Variants in PRIM2 observed in about 807,000 individuals in gnomAD.
PRIM2 encodes DNA primase large subunit.
PRIM2 carries 39 observed loss-of-function variants against 67.3 expected under a neutral mutation model. The ratio of observed to expected loss-of-function variants is 0.58; its 90% confidence interval spans 0.45 to 0.76. The LOEUF (loss-of-function observed/expected upper bound fraction) is 0.76, where lower values mean the gene tolerates loss of function less well. Ranked by LOEUF, PRIM2 falls within the 30% of genes least tolerant of loss-of-function variation. The pLI is 0.00. For synonymous variants in PRIM2, 143 were observed against 198.7 expected (o/e 0.72, Z 2.36); for missense variants, 398 against 598.7 (o/e 0.66, Z 3.50).
intron 7 of PRIM2, among the ~76,000 whole-genome samples, chr6:57,445,057 T>C (rs1397518592): frequency 1.3e-5 from 2 of 152,226 alleles, no homozygotes; most frequent in Non-Finnish European, 2.9e-5. Context: ...TGTTGTGTGA[T>C]AGATATAATT....
rs1218205425 is a variant in PRIM2, at chr6:57,590,438, C to T, written c.1021-10655C>T. ...GGCTTAATTCCATATAGAGAGCATG[C>T]GCAAGTGGGGATTCCTAATTCCAAA... is the stretch of plus-strand genomic sequence containing the variant. On this transcript the variant is annotated intron_variant, in intron 10 of 13. Transcript: ENST00000615550. 4.5e-3 allele frequency among the ~76,000 whole-genome samples: 678 copies of T among 152,240 alleles called. 6 individuals carry two copies. The highest frequency in any genetic ancestry group is 0.015 in the African/African-American group (636 of 41,550).
chr6:57,388,391 CAGTT>C (rs1253897713), intron 7 of PRIM2, among the ~76,000 whole-genome samples: 1 of 151,912 alleles, frequency 6.6e-6, no homozygotes, highest in Admixed American at 6.6e-5. Flanking sequence ...CAGTGGATTT[CAGTT>C]AGTTTTTAAA....
chr6:57,533,451 G>A (rs1304139394), intron 9 of PRIM2, among the ~76,000 whole-genome samples: 2,163 of 152,226 alleles, frequency 0.014, 44 homozygotes, highest in African/African-American at 0.045. Flanking sequence ...TGAATAGGTC[G>A]TCTTCCATTT....
intron 8 of PRIM2, among the ~76,000 whole-genome samples, chr6:57,523,311 G>A (rs1554349081): frequency 1.3e-5 from 2 of 151,838 alleles, no homozygotes; most frequent in Admixed American, 6.6e-5. Context: ...AATCACACAG[G>A]TAGTGACTGT....
intron 10 of PRIM2, among the ~76,000 whole-genome samples, chr6:57,559,325 A>G (rs1373408328): frequency 3.3e-5 from 5 of 152,148 alleles, no homozygotes; most frequent in East Asian, 3.9e-4. Context: ...GCACTGTGTC[A>G]TCATACAAGC....
intron 7 of PRIM2, among the ~76,000 whole-genome samples, chr6:57,461,690 A>T (rs1266759695): frequency 6.6e-6 from 1 of 152,232 alleles, no homozygotes; most frequent in African/African-American, 2.4e-5. Context: ...GGGTTTTTAT[A>T]TATAAATGTT....
chr6:57,572,803 G>A (rs1775886536), intron 10 of PRIM2, among the ~76,000 whole-genome samples: 1 of 152,180 alleles, frequency 6.6e-6, no homozygotes, highest in Non-Finnish European at 1.5e-5. Context: ...TTTGTGAAAG[G>A]TGAATTATTT....
At chr6:57,456,789 G>A (rs1403736255) in intron 7 of PRIM2, among the ~76,000 whole-genome samples, 1 of 151,998 alleles carries the variant, frequency 6.6e-6, no homozygotes, top group African/African-American at 2.4e-5. Flanking sequence ...TTCTCAACTT[G>A]TCAAAGTCAT....
At chr6:57,513,871 A>G (rs1554347957) in intron 8 of PRIM2, among the ~76,000 whole-genome samples, 1 of 152,206 alleles carries the variant, frequency 6.6e-6, no homozygotes, top group Non-Finnish European at 1.5e-5. Context: ...CTATTATTTA[A>G]TGTTTTGTCA....
chr6:57,611,822 C>T (rs1776671950), intron 12 of PRIM2, among the ~76,000 whole-genome samples: 1 of 151,918 alleles, frequency 6.6e-6, no homozygotes, highest in Non-Finnish European at 1.5e-5. Context: ...AAGCCACAGA[C>T]TGGAAGAAAA....
intron 10 of PRIM2, among the ~76,000 whole-genome samples, chr6:57,558,847 G>T (rs1775571125): frequency 6.6e-6 from 1 of 152,024 alleles, no homozygotes; most frequent in Non-Finnish European, 1.5e-5. Flanking sequence ...ACATTTTGGG[G>T]CTGGGCACGG....
At chr6:57,221,582 T>C in the PRIM2 span, 3 of 152,510 alleles carry the variant, frequency 2.0e-5, no homozygotes, top group Non-Finnish European at 4.4e-5. Context: ...ACGCCCTTAC[T>C]GGTGTCTGGC....
In PRIM2 at chr6:57,481,094, A is replaced by T. The variant is rs1295726603; in HGVS notation, c.694-26293A>T. Among the ~76,000 whole-genome samples the T allele has an allele frequency of 1.1e-4, 16 of 152,344 alleles. No homozygotes were observed. In the South Asian group the frequency reaches 2.3e-3, roughly 22 times the overall value. On this transcript the variant is annotated intron_variant, in intron 7 of 13. Coordinates refer to ENST00000615550, the MANE Select transcript of PRIM2 (RefSeq NM_000947.5). ...TGCCCGAGTGGTTACATCTTACATT[A>T]ACTATATTATAATATCAAAACCAAG...
At chr6:57,237,302 A>T in the PRIM2 span, among the ~76,000 whole-genome samples, 1 of 152,062 alleles carries the variant, frequency 6.6e-6, no homozygotes, top group Non-Finnish European at 1.5e-5. Context: ...TTCATTGTAG[A>T]TTCTGGATAT....
chr6:57,421,980 A>T (rs1005794752), intron 7 of PRIM2, among the ~76,000 whole-genome samples: 15 of 152,134 alleles, frequency 9.9e-5, no homozygotes, highest in Admixed American at 9.2e-4. Context: ...TTAATTTATA[A>T]GTTTATTATC....
intron 7 of PRIM2, among the ~76,000 whole-genome samples, chr6:57,496,661 G>T (rs1369689763): frequency 1.3e-5 from 2 of 152,122 alleles, no homozygotes; most frequent in East Asian, 3.8e-4. Context: ...ATTGACAAAC[G>T]TATGTTTAGG....
At chr6:57,254,805 A>C in the PRIM2 span, among the ~76,000 whole-genome samples, 3 of 152,174 alleles carry the variant, frequency 2.0e-5, no homozygotes, top group African/African-American at 7.2e-5. Flanking sequence ...ACCCATTAGG[A>C]TTAAGTAAAT....
chr6:57,641,779 T>A (rs1208363784), intron 13 of PRIM2, among the ~76,000 whole-genome samples: 5 of 152,202 alleles, frequency 3.3e-5, no homozygotes, highest in African/African-American at 4.8e-5. Context: ...TTTACACTGT[T>A]GGTGGGAGTG....
chr6:57,372,541 C>A (rs1769600877), intron 5 of PRIM2, among the ~76,000 whole-genome samples: 1 of 152,150 alleles, frequency 6.6e-6, no homozygotes, highest in Non-Finnish European at 1.5e-5. Flanking sequence ...TGCTGTATTT[C>A]AACTTTCATA....
Sources: gnomAD v4.1 joint callset for allele counts (sites outside exome capture counted in the v4.1 genomes callset) on GRCh38, gnomAD v4.1.1 for gene constraint, MANE v1.5 for transcripts, NCBI Gene and HGNC (gene_info 2026-07-23, HGNC 2026-07-21) for gene names.